SMU1: variants seen among roughly 807,000 people sequenced by gnomAD.
SMU1 encodes WD40 repeat-containing protein SMU1.
A neutral mutation model predicts 62.0 loss-of-function variants in SMU1; 2 were observed. That is an observed-to-expected ratio of 0.03 (90% confidence interval 0.01 to 0.10). SMU1 has a LOEUF of 0.10. SMU1 is among the 10% of genes least tolerant of loss of function. The probability of loss-of-function intolerance (pLI) is 1.00; values close to 1 mark genes in which losing one functional copy is unlikely to be tolerated. For missense variants in SMU1, 227 were observed against 622.1 expected (o/e 0.36, Z 6.76); for synonymous variants, 188 against 212.4 (o/e 0.89, Z 1.00).
rs1257851562 is a variant in SMU1 at position 33,053,975 on chromosome 9, C to T, written c.1123-685G>A. Among the ~76,000 whole-genome samples, 4 of 152,166 alleles carry T rather than the reference C, an allele frequency of 2.6e-5. No homozygotes were observed. In the East Asian group the frequency reaches 5.8e-4, roughly 22 times the overall value. ...TGTCATAAACAACCAGAAAGCTACC[C>T]TTGTCTGGATATCAAAACCAAACAG... On this transcript the variant is annotated intron_variant, in intron 9 of 11. Transcript: ENST00000397149.
chr9:33,064,321 G>A (rs1839395182), intron 4 of SMU1, among the ~76,000 whole-genome samples: 1 of 152,012 alleles, frequency 6.6e-6, no homozygotes, highest in South Asian at 2.1e-4. Flanking sequence ...CCTTTTCCTT[G>A]GTGTTTAATC....
rs747651162 is a variant in SMU1, at chr9:33,048,285, A to G, written c.1291-27T>C. ...TAGATCACACCACACCCCAAGAAAA[A>G]AACATCAGGATTAGTAGCAGCTCAA... On this transcript the variant is annotated intron_variant, in intron 10 of 11. Coordinates refer to ENST00000397149, the MANE Select transcript of SMU1 (RefSeq NM_018225.3). 21 of 1,612,046 alleles carry G rather than the reference A, an allele frequency of 1.3e-5. No homozygotes were observed. The South Asian group carries it at 1.6e-4, about 13-fold the overall frequency.
At chr9:33,050,488 T>C (rs1275812793) in intron 10 of SMU1, among the ~76,000 whole-genome samples, 7 of 151,476 alleles carry the variant, frequency 4.6e-5, no homozygotes, top group South Asian at 2.1e-4. Context: ...AAGATGTCCT[T>C]TGGTAGATGA....
rs1276465058 is a variant in SMU1 at position 33,045,838 on chromosome 9, C to T, written c.*1455G>A. On this transcript the variant is annotated 3_prime_UTR_variant, in exon 12 of 12. Transcript: ENST00000397149. The stretch of plus-strand genomic sequence containing the variant: ...CCAGCCTGGGCAACAGAGCAAGACT[C>T]CATCTCAGAAAAATAAAATAAATTT... 6.6e-6 allele frequency: 1 copy of T among 152,158 alleles called. No homozygotes were observed. Among genetic ancestry groups the T allele is most frequent in the Admixed American group, 6.5e-5 (1 of 15,272 alleles). The allele number at this position is 152,158 out of a possible 1,614,324, so 9.4% of individuals were successfully genotyped here.
intron 6 of SMU1, among the ~76,000 whole-genome samples, chr9:33,058,162 A>G (rs1008705946): frequency 1.3e-5 from 2 of 152,190 alleles, no homozygotes; most frequent in Admixed American, 1.3e-4. Context: ...CAAACAGATT[A>G]CTTTTCTTAT....
chr9:33,072,529 C>T (rs1839497911), intron 2 of SMU1, among the ~76,000 whole-genome samples: 1 of 152,020 alleles, frequency 6.6e-6, no homozygotes. Context: ...TGAACTCATA[C>T]GGATTGTAAA....
intron 9 of SMU1, 123 bp from the exon 10 acceptor site, chr9:33,053,413 TTACTTGATTTTAGGTCCAATCAAA>T (rs1839270985): frequency 3.0e-6 from 3 of 998,310 alleles, no homozygotes; most frequent in Non-Finnish European, 4.3e-6. Flanking sequence ...AAAAAGTTTC[TTACTTGATTTTAGGTCCAATCAAA>T]TACCCAGCAC....
At chr9:33,058,575 C>T (rs1248191583) in intron 6 of SMU1, among the ~76,000 whole-genome samples, 1 of 152,048 alleles carries the variant, frequency 6.6e-6, no homozygotes, top group Non-Finnish European at 1.5e-5. Context: ...CTTCAGCCTC[C>T]CAAAGTGCTG....
intron 4 of SMU1, among the ~76,000 whole-genome samples, chr9:33,063,468 T>C (rs947459489): frequency 6.6e-6 from 1 of 152,212 alleles, no homozygotes; most frequent in South Asian, 2.1e-4. Flanking sequence ...TTTATTCCCC[T>C]TTCCTTTTGT....
Position 33,044,478 on chromosome 9 carries a change from G to A in SMU1, c.*2815C>T, listed in dbSNP as rs566872351. The A allele has an allele frequency of 3.3e-5, 5 of 152,394 alleles. No individual in the cohort carries two copies. Among genetic ancestry groups the A allele is most frequent in the Non-Finnish European group, 7.3e-5 (5 of 68,182 alleles). The allele number at this position is 152,394 out of a possible 1,614,324, so 9.4% of individuals were successfully genotyped here. A position where few individuals can be genotyped will look rare whatever the true frequency, so the allele number is the denominator to read the frequency against. ...CGCCCCAGATCCGGCCGTCCGCCCTGCGCGTGCGCGGCCCGACCCCGCCGC... is the reference window on the plus strand; with the variant it reads ...CGCCCCAGATCCGGCCGTCCGCCCTACGCGTGCGCGGCCCGACCCCGCCGC... On this transcript the variant is annotated 3_prime_UTR_variant, in exon 12 of 12. Transcript: ENST00000397149.
intron 4 of SMU1, among the ~76,000 whole-genome samples, chr9:33,063,311 A>G (rs1839383740): frequency 6.6e-6 from 1 of 152,142 alleles, no homozygotes; most frequent in Non-Finnish European, 1.5e-5. Flanking sequence ...GCAGTGAGCC[A>G]AGATCGCACC....
In SMU1 at chr9:33,041,983, T is replaced by G. The variant is rs1392314062; in HGVS notation, c.*5310A>C. The stretch of plus-strand genomic sequence containing the variant: ...TTGACAATGTTACAGGGCTTCTGTT[T>G]AGGGTGATGACATTTTGGAAATACA... On this transcript the variant is annotated 3_prime_UTR_variant, in exon 12 of 12. Transcript: ENST00000397149. The G allele has an allele frequency of 6.6e-6, 1 of 152,244 alleles. No homozygotes were observed. The highest frequency in any genetic ancestry group is 6.5e-5 in the Admixed American group (1 of 15,276). 9.4% of individuals were successfully genotyped at this position (152,244 alleles called of 1,614,324 possible).
intron 5 of SMU1, among the ~76,000 whole-genome samples, chr9:33,061,445 T>C (rs1157103220): frequency 2.0e-5 from 3 of 152,158 alleles, no homozygotes; most frequent in East Asian, 3.8e-4. Flanking sequence ...ATATGAAATA[T>C]TTTAAAATCC....
At chr9:33,048,694 T>C (rs1839212634) in intron 10 of SMU1, among the ~76,000 whole-genome samples, 1 of 152,278 alleles carries the variant, frequency 6.6e-6, no homozygotes, top group South Asian at 2.1e-4. Flanking sequence ...TATTGATACA[T>C]TAAAATCATC....
At chr9:33,076,145 A>T (rs1218923527) in intron 1 of SMU1, among the ~76,000 whole-genome samples, 2 of 152,348 alleles carry the variant, frequency 1.3e-5, no homozygotes, top group South Asian at 2.1e-4. Flanking sequence ...ACTGAGTGAT[A>T]AACGCTAGGC....
intron 7 of SMU1, 26 bp from the exon 8 acceptor site, chr9:33,056,990 TA>T (rs772044281): frequency 6.3e-7 from 1 of 1,589,340 alleles, no homozygotes; most frequent in South Asian, 1.1e-5. Context: ...AAAAAAGAAT[TA>T]AAAAAACCTT....
rs527965362 is a variant in SMU1, at chr9:33,059,804, G to C, written c.750+661C>G. ...TTAGTTTATTTTTAGTAGAGAAGGG[G>C]TTTCACCATGTTGGCCAGGCTTGTC... On this transcript the variant is annotated intron_variant, in intron 6 of 11. Transcript: ENST00000397149. Among the ~76,000 whole-genome samples, 10 of 151,166 alleles carry C rather than the reference G, an allele frequency of 6.6e-5. No individual in the cohort carries two copies. The East Asian group carries it at 2.0e-3, about 30-fold the overall frequency.
intron 5 of SMU1, among the ~76,000 whole-genome samples, chr9:33,061,718 A>G (rs1537039): frequency 0.37 from 55,829 of 152,152 alleles, 10,534 homozygotes; most frequent in Non-Finnish European, 0.41. Context: ...TGGTAAACAG[A>G]AGAAGTACAT....
At chr9:33,056,690 G>A in intron 8 of SMU1, 147 bp downstream of exon 8, 9 of 832,156 alleles carry the variant, frequency 1.1e-5, no homozygotes, top group Non-Finnish European at 1.5e-5. Context: ...GTACTTTGGG[G>A]ACATAAGGTC....
Sources: allele counts gnomAD v4.1 joint callset (sites outside exome capture counted in the v4.1 genomes callset), GRCh38; gene constraint gnomAD v4.1.1; transcripts MANE v1.5; gene names NCBI Gene and HGNC (gene_info 2026-07-23, HGNC 2026-07-21).